Variants in MAP4K4 observed in about 807,000 individuals in gnomAD.
MAP4K4 encodes HPK/GCK-like kinase HGK.
Under a neutral mutation model 189.6 loss-of-function variants are expected in MAP4K4, and 38 were observed. The ratio of observed to expected loss-of-function variants is 0.20; its 90% CI spans 0.15 to 0.26. MAP4K4 has a LOEUF of 0.26. Among genes scored for constraint, MAP4K4 ranks in the 10% least tolerant of loss-of-function variants. The probability of loss-of-function intolerance (pLI) is 1.00; values close to 1 mark genes in which losing one functional copy is unlikely to be tolerated. For synonymous variants in MAP4K4, 610 were observed against 624.3 expected (o/e 0.98, Z 0.34); for missense variants, 1,054 against 1,726.9 (o/e 0.61, Z 6.91).
At chr2:101,777,895 G>A (rs1014356740) in intron 2 of MAP4K4, among the ~76,000 whole-genome samples, 2 of 152,178 alleles carry the variant, frequency 1.3e-5, no homozygotes, top group Non-Finnish European at 2.9e-5. Flanking sequence ...ACTTGTTCAG[G>A]TTCTTCAGTT....
At chr2:101,709,249 CTGGAGTG>C (rs1051604619) in intron 2 of MAP4K4, among the ~76,000 whole-genome samples, 2 of 152,222 alleles carry the variant, frequency 1.3e-5, no homozygotes, top group Non-Finnish European at 2.9e-5. Context: ...GTCGCCCAGG[CTGGAGTG>C]CAGTGGCACA....
chr2:101,830,190 T>C (rs967163286), intron 6 of MAP4K4, among the ~76,000 whole-genome samples: 61 of 152,230 alleles, frequency 4.0e-4, no homozygotes, highest in Admixed American at 3.5e-3. Context: ...CAATGTATAG[T>C]TATGTGATTG....
intron 2 of MAP4K4, among the ~76,000 whole-genome samples, chr2:101,735,611 G>A (rs1461788048): frequency 6.6e-6 from 1 of 152,130 alleles, no homozygotes; most frequent in East Asian, 1.9e-4. Context: ...GCTGGGGCCT[G>A]CCCATGGGAG....
rs908229725 is a variant in MAP4K4 at position 101,777,027 on chromosome 2, T to C, written c.124-13693T>C. Among the ~76,000 whole-genome samples the C allele has an allele frequency of 2.0e-5, 3 of 152,160 alleles. No homozygotes were observed. The South Asian group carries it at 6.2e-4, about 32-fold the overall frequency. The stretch of plus-strand genomic sequence containing the variant: ...GAAAGTCATAGCCAGGCTTTGCCAA[T>C]ATAGGCCTTAGACTTTAACAATGAG... On this transcript the variant is annotated intron_variant, in intron 2 of 32. Transcript: ENST00000324219.
At chr2:101,873,445 C>T (rs569655731) in intron 24 of MAP4K4, among the ~76,000 whole-genome samples, 2 of 152,196 alleles carry the variant, frequency 1.3e-5, no homozygotes, top group African/African-American at 4.8e-5. Context: ...ACGGCTCCTG[C>T]AGTGGTTCCA....
intron 24 of MAP4K4, 103 bp downstream of exon 24, chr2:101,871,788 T>TC (rs1212110569): frequency 1.6e-5 from 17 of 1,048,296 alleles, no homozygotes; most frequent in Non-Finnish European, 2.3e-5. Context: ...CCCCTTCCCT[T>TC]CCCACCCTGC....
chr2:101,804,727 A>G (rs761832324), intron 3 of MAP4K4, among the ~76,000 whole-genome samples: 1 of 152,192 alleles, frequency 6.6e-6, no homozygotes, highest in Admixed American at 6.5e-5. Context: ...GCCTTTGTCT[A>G]TATGAGCACT....
intron 3 of MAP4K4, among the ~76,000 whole-genome samples, chr2:101,805,132 T>C (rs1353076010): frequency 6.8e-6 from 1 of 147,740 alleles, no homozygotes; most frequent in Non-Finnish European, 1.5e-5. Context: ...AAGTGAAGCA[T>C]GCATACAGAA....
chr2:101,868,310 T>A (rs1559263624), intron 21 of MAP4K4, among the ~76,000 whole-genome samples: 1 of 152,216 alleles, frequency 6.6e-6, no homozygotes. Context: ...TCACTGTTAT[T>A]TCAGTGGCTC....
chr2:101,867,418 A>G, intron 20 of MAP4K4, 109 bp downstream of exon 20: 1 of 755,822 alleles, frequency 1.3e-6, no homozygotes, highest in Non-Finnish European at 2.2e-6. Flanking sequence ...GGCCCCTCAC[A>G]GATTTGAGGA....
intron 2 of MAP4K4, among the ~76,000 whole-genome samples, chr2:101,709,279 T>G (rs1274318717): frequency 1.3e-5 from 2 of 152,226 alleles, no homozygotes; most frequent in Non-Finnish European, 2.9e-5. Flanking sequence ...CTTGGCTCAC[T>G]GCAGCCTCCA....
Position 101,829,485 on chromosome 2 carries a change from G to T in MAP4K4, c.418-19G>T. On this transcript the variant is annotated intron_variant, in intron 5 of 32. Coordinates refer to ENST00000324219, the Ensembl canonical transcript of MAP4K4. The stretch of plus-strand genomic sequence containing the variant: ...ATAGTCACAGAAAACTAAAATTCAG[G>T]TCTGTCTTTCCTATTCAGGGACTGG... 6.4e-7 allele frequency: 1 copy of T among 1,569,444 alleles called. No individual in the cohort carries two copies. The highest frequency in any genetic ancestry group is 8.7e-7 in the Non-Finnish European group (1 of 1,146,522).
At chr2:101,773,590 A>G (rs1222091524) in intron 2 of MAP4K4, among the ~76,000 whole-genome samples, 1 of 152,240 alleles carries the variant, frequency 6.6e-6, no homozygotes, top group Non-Finnish European at 1.5e-5. Context: ...TTTGTGTTAG[A>G]AACAATCCAG....
intron 2 of MAP4K4, among the ~76,000 whole-genome samples, chr2:101,753,583 A>G (rs1275862775): frequency 1.3e-5 from 2 of 152,116 alleles, no homozygotes; most frequent in Non-Finnish European, 2.9e-5. Context: ...ACACAGTGAG[A>G]TATGGATTTC....
intron 5 of MAP4K4, among the ~76,000 whole-genome samples, chr2:101,826,929 G>T (rs114780735): frequency 6.6e-6 from 1 of 151,908 alleles, no homozygotes; most frequent in African/African-American, 2.4e-5. Context: ...CCCCACCCAC[G>T]CACCCACACC....
chr2:101,701,321 C>G (rs774697806), intron 2 of MAP4K4, among the ~76,000 whole-genome samples: 17 of 152,198 alleles, frequency 1.1e-4, no homozygotes, highest in South Asian at 6.2e-4. Flanking sequence ...CAAAACTGTG[C>G]TAATGGTAGA....
At chr2:101,807,309 C>T (rs923542787) in intron 3 of MAP4K4, among the ~76,000 whole-genome samples, 4 of 152,122 alleles carry the variant, frequency 2.6e-5, no homozygotes, top group African/African-American at 9.7e-5. Context: ...TCACGCAGTC[C>T]TCCTGCCTCG....
At chr2:101,767,931 T>G (rs969886301) in intron 2 of MAP4K4, among the ~76,000 whole-genome samples, 15 of 152,358 alleles carry the variant, frequency 9.8e-5, no homozygotes, top group African/African-American at 3.6e-4. Context: ...TGAAATGGCC[T>G]TTTGGATTTG....
At chr2:101,891,185 G>A in exon 33 of MAP4K4, 5 of 1,613,758 alleles carry the variant, frequency 3.1e-6, no homozygotes, top group East Asian at 2.2e-5. Context: ...GCCTCTGTTC[G>A]GTCTGGTGGC....
Sources: allele counts gnomAD v4.1 joint callset (sites outside exome capture counted in the v4.1 genomes callset), GRCh38; gene constraint gnomAD v4.1.1; transcripts MANE v1.5; gene names NCBI Gene and HGNC (gene_info 2026-07-23, HGNC 2026-07-21).